ATP5F1A: variants seen among roughly 807,000 people sequenced by gnomAD.
ATP5F1A encodes ATP synthase F(1) complex subunit alpha, mitochondrial.
Under a neutral mutation model 57.4 loss-of-function variants are expected in ATP5F1A, and 24 were observed. The observed-to-expected ratio is 0.42, with a 90% CI of 0.30 to 0.59. The LOEUF (loss-of-function observed/expected upper bound fraction) is 0.59, where lower values mean the gene tolerates loss of function less well. Among genes scored for constraint, ATP5F1A ranks in the 20% least tolerant of loss-of-function variants. The probability of loss-of-function intolerance (pLI) is 0.19; values close to 1 mark genes in which losing one functional copy is unlikely to be tolerated. For missense variants in ATP5F1A, 494 were observed against 707.9 expected, an observed-to-expected ratio of 0.70 and a Z score of 3.43; for synonymous variants, 251 against 255.5, an observed-to-expected ratio of 0.98 and a Z score of 0.17.
At chr18:46,098,362 A>AGGGGGGGGGGG, upstream of ATP5F1A, 9 of 1,281,360 alleles carry the variant, frequency 7.0e-6, no homozygotes, top group Non-Finnish European at 9.0e-6. Flanking sequence ...CCTCGCGTTC[A>AGGGGGGGGGGG]CCACCTCTCC....
upstream of ATP5F1A, among the ~76,000 whole-genome samples, chr18:46,098,624 G>A (rs1911160546): frequency 6.6e-6 from 1 of 152,056 alleles, no homozygotes; most frequent in Non-Finnish European, 1.5e-5. Context: ...ACCCGTCTGG[G>A]GTCGCGGCTG....
rs1450790834 is a variant in ATP5F1A, at chr18:46,081,502, TA to T, written c.*2779del. On this transcript the variant is annotated 3_prime_UTR_variant, in exon 12 of 12. Coordinates refer to ENST00000398752, the MANE Select transcript of ATP5F1A (RefSeq NM_004046.6). ...CAACATGGAGAAACCCCATCTCTAC[TA>T]AAAATACAAAATTAGCCAGGCGTGG... The T allele has an allele frequency of 1.3e-5, 2 of 150,988 alleles. No homozygotes were observed. The highest frequency in any genetic ancestry group is 2.4e-5 in the African/African-American group (1 of 41,072). The allele number at this position is 150,988 out of a possible 1,614,324, so 9.4% of individuals were successfully genotyped here. A position where few individuals can be genotyped will look rare whatever the true frequency, so the allele number is the denominator to read the frequency against.
In ATP5F1A at chr18:46,098,280, C is replaced by G. The variant is rs772803924; in HGVS notation, c.-49G>C. On this transcript the variant is annotated 5_prime_UTR_variant, in exon 1 of 12. Coordinates refer to ENST00000398752, the MANE Select transcript of ATP5F1A (RefSeq NM_004046.6). ...TACTTCTGCAGCCGCAGCCTCCGGA[C>G]TGACTGGGACAAAATGGCCGAGCCG... 3.8e-6 allele frequency: 6 copies of G among 1,564,134 alleles called. No individual in the cohort carries two copies. The highest frequency in any genetic ancestry group is 5.2e-6 in the Non-Finnish European group (6 of 1,156,856).
rs1428181810 is a variant in ATP5F1A, at chr18:46,086,993, T to C, written c.1176+15A>G. 1 of 1,610,584 alleles carries C rather than the reference T, an allele frequency of 6.2e-7. No homozygotes were observed. The highest frequency in any genetic ancestry group is 1.7e-4 in the Middle Eastern group (1 of 6,048). ...AAATCTTTTTTAACATTTCTTTTAA[T>C]CATTAAAATAATACCTGTCCGTCAG... On this transcript the variant is annotated intron_variant, in intron 8 of 11. Coordinates refer to ENST00000398752, the MANE Select transcript of ATP5F1A (RefSeq NM_004046.6).
chr18:46,083,984 C>CAAAAAAA lies in ATP5F1A; in HGVS notation c.*291_*297dup, dbSNP rs750591064. The CAAAAAAA allele has an allele frequency of 3.6e-5, 4 of 110,932 alleles. No individual in the cohort carries two copies. The highest frequency in any genetic ancestry group is 6.8e-5 in the Non-Finnish European group (4 of 59,050). The allele number at this position is 110,932 out of a possible 1,614,324, so 6.9% of individuals were successfully genotyped here. ...TCAGTGACAGAGTGAGAATCAGTCTCAAAAAAAAAAACAAAAAAAAAACTT... is the reference window on the plus strand; with the variant it reads ...TCAGTGACAGAGTGAGAATCAGTCTCAAAAAAAAAAAAAAAAAACAAAAAAAAAACTT... On this transcript the variant is annotated 3_prime_UTR_variant, in exon 12 of 12. Coordinates refer to ENST00000398752, the MANE Select transcript of ATP5F1A (RefSeq NM_004046.6).
In ATP5F1A at chr18:46,084,614, C is replaced by T. The variant is rs781224378; in HGVS notation, c.1470G>A (p.Ala490=). 9 of 1,600,850 alleles carry T rather than the reference C, an allele frequency of 5.6e-6. No homozygotes were observed. The highest frequency in any genetic ancestry group is 2.2e-5 in the East Asian group (1 of 44,600). The change falls in exon 11 of 12, where the codon GCG becomes GCA. Residue 490 remains alanine, a synonymous_variant. Transcript: ENST00000398752. ...GTTTATCAAGATATCCCCTTACACC[C>T]GCATAGATAACAGCCACTTGTTCTT... ...AIEEQVAVIY[A]GVRGYLDKLE... is the part of the protein sequence containing the mutation.
intron 6 of ATP5F1A, 187 bp downstream of exon 6, chr18:46,087,922 C>T (rs936725850): frequency 1.6e-6 from 1 of 620,640 alleles, no homozygotes; most frequent in Admixed American, 3.7e-5. Context: ...ACAGCTTCCA[C>T]TTTAAAGAAA....
intron 1 of ATP5F1A, among the ~76,000 whole-genome samples, chr18:46,096,752 C>G (rs1392939478): frequency 6.6e-6 from 1 of 151,584 alleles, no homozygotes; most frequent in Non-Finnish European, 1.5e-5. Flanking sequence ...AAGGCCGAGG[C>G]GAGCGGATCA....
chr18:46,096,982 C>CAAAAAAAAAAAAAAA (rs71160709), intron 1 of ATP5F1A, among the ~76,000 whole-genome samples: 5 of 75,156 alleles, frequency 6.7e-5, no homozygotes, highest in African/African-American at 1.2e-4. Context: ...GACACCATCT[C>CAAAAAAAAAAAAAAA]AAAAAAAAAA....
rs34716753 is a variant in ATP5F1A at position 46,081,660 on chromosome 18, CAAAAAA to C, written c.*2616_*2621del. On this transcript the variant is annotated 3_prime_UTR_variant, in exon 12 of 12. Transcript: ENST00000398752. ...GCCTGGGCAACAAGAGCAAAACTCT[CAAAAAA>C]AAAAAACAAAAAAAAAAAAAAAAAA... 11 of 73,982 alleles carry C rather than the reference CAAAAAA, an allele frequency of 1.5e-4. No individual in the cohort carries two copies. Among genetic ancestry groups the C allele is most frequent in the East Asian group, 1.4e-3 (3 of 2,146 alleles). The allele number at this position is 73,982 out of a possible 1,614,324, so 4.6% of individuals were successfully genotyped here.
Position 46,091,818 on chromosome 18 carries a change from C to T in ATP5F1A, c.173G>A (p.Arg58His), listed in dbSNP as rs150488495. The part of the protein sequence containing the change: ...TAEMSSILEE[R>H]ILGADTSVDL... ...AACAGAGGTATCAGCTCCAAGAATA[C>T]GCTCTTCAAGAATAGAGGACATCTC... The change falls in exon 3 of 12, where the codon CGT becomes CAT. Residue 58 changes from arginine to histidine, a missense_variant. Physicochemically the swap from Arg to His is conservative, Grantham distance 29. Coordinates refer to ENST00000398752, the MANE Select transcript of ATP5F1A (RefSeq NM_004046.6). 22 of 1,613,372 alleles carry T rather than the reference C, an allele frequency of 1.4e-5. No homozygotes were observed. Among genetic ancestry groups the T allele is most frequent in the African/African-American group, 4.0e-5 (3 of 74,822 alleles).
Position 46,095,118 on chromosome 18 carries a change from G to C in ATP5F1A, c.74C>G (p.Ala25Gly). 6.2e-7 allele frequency: 1 copy of C among 1,613,392 alleles called. No individual in the cohort carries two copies. The highest frequency in any genetic ancestry group is 1.1e-5 in the South Asian group (1 of 90,966). The change falls in exon 2 of 12, where the codon GCT becomes GGT. Residue 25 changes from alanine (A) to glycine (G), a missense_variant. Around this residue, in one of 6 missense-constraint regions of ATP5F1A, gnomAD observed 142 missense variants for 137.5 expected, o/e 1.03. Transcript: ENST00000398752. ...TGCAGCAATGAAAGATGAACCCAAAGCATTTCTGGAGACCTAGTGCAAAAG... is the reference window on the plus strand; with the variant it reads ...TGCAGCAATGAAAGATGAACCCAAACCATTTCTGGAGACCTAGTGCAAAAG... The part of the protein sequence containing the change: ...PRRAGLVSRN[A>G]LGSSFIAARN...
Position 46,086,221 on chromosome 18 carries a change from G to A in ATP5F1A, c.1321C>T (p.Arg441Cys), listed in dbSNP as rs1248385107. Residue 441 changes from arginine to cysteine, a missense_variant, in exon 10 of 12, where the codon CGT (arginine) becomes TGT (cysteine). Arg to Cys is a radical substitution (Grantham distance 180). This residue lies in a region of ATP5F1A where 127 missense variants were observed against 195.2 expected (regional missense o/e 0.65). Transcript: ENST00000398752. ...AACTGGGCAAAAGCAGCAACCTCAC[G>A]ATACTGAGCCAATTCCAGCTTCATG... ...GTMKLELAQY[R>C]EVAAFAQFGS... 3.1e-6 allele frequency: 5 copies of A among 1,613,280 alleles called. No individual in the cohort carries two copies. The highest frequency in any genetic ancestry group is 2.2e-5 in the East Asian group (1 of 44,894).
chr18:46,086,811 T>C (rs1239263235), intron 8 of ATP5F1A, 197 bp downstream of exon 8: 4 of 642,886 alleles, frequency 6.2e-6, no homozygotes, highest in Middle Eastern at 3.6e-4. Flanking sequence ...CGAAACATGC[T>C]ACTCTATGCA....
At chr18:46,094,965 T>C (rs886494904) in intron 2 of ATP5F1A, 88 bp downstream of exon 2, 12 of 1,422,648 alleles carry the variant, frequency 8.4e-6, no homozygotes, top group South Asian at 1.8e-5. Context: ...AACTAACAAA[T>C]GAAAAACAAC....
At chr18:46,087,937 C>T (rs1910245458) in intron 6 of ATP5F1A, 172 bp downstream of exon 6, 2 of 671,452 alleles carry the variant, frequency 3.0e-6, no homozygotes, top group Non-Finnish European at 4.8e-6. Flanking sequence ...AAGAAACCAA[C>T]AAAACCTTTA....
intron 2 of ATP5F1A, among the ~76,000 whole-genome samples, chr18:46,093,560 TA>T (rs1910717908): frequency 6.7e-6 from 1 of 149,594 alleles, no homozygotes; most frequent in Admixed American, 6.7e-5. Flanking sequence ...CAAAACAAAA[TA>T]AAAAAACATC....
chr18:46,084,363 C>T lies in ATP5F1A; in HGVS notation c.1581G>A (p.Arg527=). ...SQHQALLGTI[R]ADGKISEQSD... is the part of the protein sequence containing the mutation. Reference sequence around the variant, plus strand: ...ATTGTTCTGAGATCTTTCCATCAGCCCTATTTGGAAATAAAAGCAGGTCGT... The same window carrying T: ...ATTGTTCTGAGATCTTTCCATCAGCTCTATTTGGAAATAAAAGCAGGTCGT... The change falls in exon 12 of 12, where the codon AGG becomes AGA. Residue 527 remains arginine (R), a splice_region_variant and synonymous_variant. Coordinates refer to ENST00000398752, the MANE Select transcript of ATP5F1A (RefSeq NM_004046.6). 6.2e-7 allele frequency: 1 copy of T among 1,611,168 alleles called. No individual in the cohort carries two copies. The highest frequency in any genetic ancestry group is 2.2e-5 in the East Asian group (1 of 44,790).
rs372108730 is a variant in ATP5F1A at position 46,091,900 on chromosome 18, C to A, written c.140-49G>T. ...TTAAAAAAATAATCTGGGCCAGGCA[C>A]AGTGGCTCACAGCTGTAATCCCAGC... is the stretch of plus-strand genomic sequence containing the variant. On this transcript the variant is annotated intron_variant, in intron 2 of 11. Coordinates refer to ENST00000398752, the MANE Select transcript of ATP5F1A (RefSeq NM_004046.6). The A allele has an allele frequency of 3.9e-5, 61 of 1,557,454 alleles. No homozygotes were observed. In the East Asian group the frequency reaches 1.2e-3, roughly 31 times the overall value.
Sources: gnomAD v4.1 joint callset for allele counts (sites outside exome capture counted in the v4.1 genomes callset) on GRCh38, gnomAD v4.1.1 for gene constraint, gnomAD v4.1.1 regional missense constraint, MANE v1.5 for transcripts, NCBI Gene and HGNC (gene_info 2026-07-23, HGNC 2026-07-21) for gene names.